The following STARD13 variants were observed in gnomAD, a reference collection of about 807,000 sequenced individuals.
STARD13 encodes the protein stAR-related lipid transfer protein 13.
Under a neutral mutation model 106.4 loss-of-function variants are expected in STARD13, and 62 were observed. The observed-to-expected ratio is 0.58, with a 90% CI of 0.48 to 0.72. The LOEUF (loss-of-function observed/expected upper bound fraction) is 0.72. STARD13 is among the 30% of genes least tolerant of loss of function. The probability of loss-of-function intolerance (pLI) is 0.00; values close to 1 mark genes in which losing one functional copy is unlikely to be tolerated. For missense variants in STARD13, 1,387 were observed against 1,424.0 expected (o/e 0.97, Z 0.42); for synonymous variants, 565 against 553.0 (o/e 1.02, Z -0.31).
chr13:33,215,427 T>TA (rs1594117725), intron 1 of STARD13, among the ~76,000 whole-genome samples: 1 of 152,252 alleles, frequency 6.6e-6, no homozygotes, highest in East Asian at 1.9e-4. Context: ...TCATAACCTA[T>TA]AAACATTCTT....
At chr13:33,292,785 G>A (rs144740273) in intron 1 of STARD13, among the ~76,000 whole-genome samples, 14 of 152,022 alleles carry the variant, frequency 9.2e-5, no homozygotes, top group South Asian at 2.1e-4. Context: ...TTCGAAAACC[G>A]TGGTTCAAGT....
chr13:33,312,172 G>T (rs1893161005), intron 1 of STARD13, among the ~76,000 whole-genome samples: 1 of 152,150 alleles, frequency 6.6e-6, no homozygotes, highest in Non-Finnish European at 1.5e-5. Flanking sequence ...TTATCTTAGG[G>T]TTTCATTTGC....
At chr13:33,560,234 A>G in the STARD13 span, among the ~76,000 whole-genome samples, 2 of 151,610 alleles carry the variant, frequency 1.3e-5, no homozygotes, top group Non-Finnish European at 2.9e-5. Flanking sequence ...TTAGTGCAAC[A>G]TTAGTTCTTA....
At chr13:33,572,264 T>C in the STARD13 span, among the ~76,000 whole-genome samples, 2 of 152,196 alleles carry the variant, frequency 1.3e-5, no homozygotes, top group African/African-American at 2.4e-5. Context: ...TTGTGAATTA[T>C]AACAAGTGGA....
chr13:33,129,282 G>A lies in STARD13; in HGVS notation c.1395C>T (p.Ser465=). Residue 465 remains serine, a synonymous_variant, in exon 5 of 14, where the codon TCC becomes TCT. Transcript: ENST00000336934. ...GATCTCCTGTGCTGGCATACAGATG[G>A]GAGCCAGGGACATTGTCATAGATAC... ...RVSIYDNVPG[S]HLYASTGDLL... The A allele has an allele frequency of 6.2e-7, 1 of 1,614,150 alleles. No homozygotes were observed. The highest frequency in any genetic ancestry group is 1.6e-4 in the Middle Eastern group (1 of 6,062).
At chr13:33,349,922 A>G (rs1481903253) in intron 1 of STARD13, among the ~76,000 whole-genome samples, 1 of 152,216 alleles carries the variant, frequency 6.6e-6, no homozygotes, top group Admixed American at 6.5e-5. Context: ...GCGAAGGGCC[A>G]CTTGGTCTGG....
chr13:33,620,286 CT>C, the STARD13 span, among the ~76,000 whole-genome samples: 3,268 of 142,560 alleles, frequency 0.023, 71 homozygotes, highest in African/African-American at 0.066. Context: ...TTTCTTTTTT[CT>C]TTTTTTTTTT....
chr13:33,390,091 A>G, the STARD13 span, among the ~76,000 whole-genome samples: 1 of 152,174 alleles, frequency 6.6e-6, no homozygotes, highest in East Asian at 1.9e-4. Context: ...CTAGATTAGA[A>G]GAAAAGATGC....
chr13:33,351,872 T>C (rs927374053), upstream of STARD13, among the ~76,000 whole-genome samples: 1 of 152,330 alleles, frequency 6.6e-6, no homozygotes, highest in African/African-American at 2.4e-5. Context: ...AACTAACCTC[T>C]ACCTAAAGTA....
the STARD13 span, among the ~76,000 whole-genome samples, chr13:33,464,873 A>G: frequency 3.9e-5 from 6 of 152,242 alleles, no homozygotes; most frequent in South Asian, 1.2e-3. Flanking sequence ...TATGTACTAG[A>G]TACCACATGA....
chr13:33,198,155 G>A (rs542408369), intron 1 of STARD13, among the ~76,000 whole-genome samples: 14 of 152,208 alleles, frequency 9.2e-5, no homozygotes, highest in Admixed American at 2.6e-4. Flanking sequence ...GCCACAGAGT[G>A]AGACTCCGTC....
At chr13:33,507,750 G>A in the STARD13 span, among the ~76,000 whole-genome samples, 1 of 152,150 alleles carries the variant, frequency 6.6e-6, no homozygotes, top group Non-Finnish European at 1.5e-5. Context: ...TATTTTATAT[G>A]TTGTATGTAT....
the STARD13 span, among the ~76,000 whole-genome samples, chr13:33,646,316 G>A: frequency 6.6e-6 from 1 of 152,166 alleles, no homozygotes; most frequent in Non-Finnish European, 1.5e-5. Flanking sequence ...TAAATATCCT[G>A]TTGCTCTTTT....
chr13:33,365,047 T>G, the STARD13 span, among the ~76,000 whole-genome samples: 1 of 151,990 alleles, frequency 6.6e-6, no homozygotes, highest in South Asian at 2.1e-4. Context: ...GAGAGGTGAC[T>G]GCAAGAGGTA....
chr13:33,302,290 T>C (rs1448959469), intron 1 of STARD13, among the ~76,000 whole-genome samples: 1 of 152,216 alleles, frequency 6.6e-6, no homozygotes, highest in Admixed American at 6.5e-5. Flanking sequence ...TCATTCACCA[T>C]CATGACTAGA....
chr13:33,152,043 A>G (rs549216402), intron 3 of STARD13, among the ~76,000 whole-genome samples: 195 of 152,298 alleles, frequency 1.3e-3, no homozygotes, highest in African/African-American at 4.6e-3. Flanking sequence ...TCATGTTTGG[A>G]TATGTTAAAT....
At chr13:33,472,359 T>C in the STARD13 span, among the ~76,000 whole-genome samples, 6 of 152,290 alleles carry the variant, frequency 3.9e-5, no homozygotes, top group Non-Finnish European at 7.4e-5. Context: ...TTTTCAAAAT[T>C]CAATCATAAA....
the STARD13 span, among the ~76,000 whole-genome samples, chr13:33,624,527 G>A: frequency 2.0e-5 from 3 of 152,148 alleles, no homozygotes; most frequent in Non-Finnish European, 4.4e-5. Flanking sequence ...CTTCAAGTTG[G>A]CAATGGTCTT....
the STARD13 span, among the ~76,000 whole-genome samples, chr13:33,548,209 A>G: frequency 0.02 from 3,018 of 152,340 alleles, 96 homozygotes; most frequent in African/African-American, 0.069. Context: ...TAAATGAGCC[A>G]AAGATAGGGG....
Sources: gnomAD v4.1 joint callset for allele counts (sites outside exome capture counted in the v4.1 genomes callset) on GRCh38, gnomAD v4.1.1 for gene constraint, MANE v1.5 for transcripts, NCBI Gene and HGNC (gene_info 2026-07-23, HGNC 2026-07-21) for gene names.